SUPT3H: variants seen among roughly 807,000 people sequenced by gnomAD.
The protein encoded by SUPT3H is transcription initiation protein SPT3 homolog.
Under a neutral mutation model 44.3 loss-of-function variants are expected in SUPT3H, and 44 were observed. The ratio of observed to expected loss-of-function variants is 0.99; its 90% CI spans 0.78 to 1.28. The LOEUF (loss-of-function observed/expected upper bound fraction) is 1.28. Ranked by LOEUF, SUPT3H falls within the 50% of genes most tolerant of loss-of-function variation. SUPT3H has a pLI of 0.00. For synonymous variants in SUPT3H, 124 were observed against 125.6 expected (o/e 0.99, Z 0.09); for missense variants, 380 against 387.1 (o/e 0.98, Z 0.15).
chr6:45,151,706 A>G (rs544496875), intron 2 of SUPT3H, among the ~76,000 whole-genome samples: 1 of 152,312 alleles, frequency 6.6e-6, no homozygotes, highest in South Asian at 2.1e-4. Flanking sequence ...TGTTTTCTAA[A>G]TCAAAGTATT....
At chr6:45,365,348 A>G in intron 1 of SUPT3H, 47 bp from the exon 2 acceptor site, 1 of 1,232,040 alleles carries the variant, frequency 8.1e-7, no homozygotes, top group Non-Finnish European at 1.2e-6. Flanking sequence ...CCTAGCTATA[A>G]GTAAATGCAA....
At chr6:45,246,231 C>T (rs1431229416) in intron 2 of SUPT3H, among the ~76,000 whole-genome samples, 1 of 152,084 alleles carries the variant, frequency 6.6e-6, no homozygotes, top group Non-Finnish European at 1.5e-5. Flanking sequence ...TTCCTTTTCA[C>T]TCTCTTGACA....
At chr6:44,841,499 C>T (rs1770934167) in intron 10 of SUPT3H, among the ~76,000 whole-genome samples, 1 of 152,140 alleles carries the variant, frequency 6.6e-6, no homozygotes, top group African/African-American at 2.4e-5. Context: ...CTGTACTTCT[C>T]GTAGCCACTG....
chr6:45,130,127 A>G (rs1200979692), intron 2 of SUPT3H, among the ~76,000 whole-genome samples: 1 of 152,178 alleles, frequency 6.6e-6, no homozygotes, highest in Non-Finnish European at 1.5e-5. Context: ...TAATTTTGAA[A>G]TATTTCATCA....
At chr6:44,977,711 C>G (rs1778531507) in intron 6 of SUPT3H, among the ~76,000 whole-genome samples, 1 of 152,070 alleles carries the variant, frequency 6.6e-6, no homozygotes, top group African/African-American at 2.4e-5. Flanking sequence ...ATACTACTGA[C>G]TTCTACACAA....
intron 2 of SUPT3H, among the ~76,000 whole-genome samples, chr6:45,233,064 A>T (rs886537388): frequency 6.6e-6 from 1 of 152,180 alleles, no homozygotes; most frequent in African/African-American, 2.4e-5. Flanking sequence ...GGGCAGGGTC[A>T]CTTCTCACAG....
chr6:44,899,479 A>T (rs1764624642), intron 10 of SUPT3H, among the ~76,000 whole-genome samples: 1 of 152,140 alleles, frequency 6.6e-6, no homozygotes, highest in Non-Finnish European at 1.5e-5. Context: ...CGAGGTCAGG[A>T]GTTCGAGACC....
chr6:44,827,268 C>T lies in SUPT3H; in HGVS notation c.*2548G>A, dbSNP rs944853665. Reference sequence around the variant, plus strand: ...ACACTGAAGATTTTACTATATAACACGTATGCTTTAGGATGTATCCATAAT... The same window carrying T: ...ACACTGAAGATTTTACTATATAACATGTATGCTTTAGGATGTATCCATAAT... On this transcript the variant is annotated 3_prime_UTR_variant, in exon 11 of 11. Transcript: ENST00000371459. Among the ~76,000 whole-genome samples the T allele has an allele frequency of 1.3e-5, 2 of 152,086 alleles. No homozygotes were observed. Among genetic ancestry groups the T allele is most frequent in the South Asian group, 2.1e-4 (1 of 4,816 alleles).
At position 45,070,739 on chromosome 6, in the gene SUPT3H, C is replaced by CAAAAAAA. The variant is rs11393241; in HGVS notation, c.186+35176_186+35182dup. On this transcript the variant is annotated intron_variant, in intron 3 of 10. Transcript: ENST00000371459. ...AATAAGAGCAAAACTCTGTCTCAAA[C>CAAAAAAA]AAAAAAAAAAAAAAAAAAAAGAAAT... Among the ~76,000 whole-genome samples the CAAAAAAA allele has an allele frequency of 4.2e-3, 415 of 98,940 alleles. 1 individual carries two copies. Among genetic ancestry groups the CAAAAAAA allele is most frequent in the Non-Finnish European group, 5.2e-3 (274 of 52,340 alleles). The allele number at this position is 98,940 out of a possible 152,430, so 64.9% of individuals were successfully genotyped here.
At chr6:44,902,981 A>G (rs1765350635) in intron 10 of SUPT3H, among the ~76,000 whole-genome samples, 1 of 152,130 alleles carries the variant, frequency 6.6e-6, no homozygotes, top group Non-Finnish European at 1.5e-5. Flanking sequence ...TTTGAAACCA[A>G]CGAGAACAAA....
intron 6 of SUPT3H, among the ~76,000 whole-genome samples, chr6:44,975,617 T>C (rs545000933): frequency 7.0e-6 from 1 of 143,076 alleles, no homozygotes; most frequent in African/African-American, 2.6e-5. Context: ...AAGACTACAC[T>C]TGGGTACAGT....
intron 3 of SUPT3H, among the ~76,000 whole-genome samples, chr6:45,038,792 G>A (rs1788072966): frequency 6.6e-6 from 1 of 152,048 alleles, no homozygotes. Flanking sequence ...GTTTAAAGGT[G>A]TATTATACCT....
At chr6:45,030,877 C>A (rs888007751) in intron 3 of SUPT3H, among the ~76,000 whole-genome samples, 4 of 152,142 alleles carry the variant, frequency 2.6e-5, no homozygotes, top group Admixed American at 6.6e-5. Context: ...CTGATCCATG[C>A]AGAGGGCAAG....
In SUPT3H at chr6:44,954,547, T is replaced by C. The variant is rs1170597009; in HGVS notation, c.641A>G (p.Asn214Ser). Residue 214 changes from asparagine to serine, a missense_variant, in exon 8 of 11, where the codon AAT becomes AGT. Transcript: ENST00000371459. ...TGCTAAGATTTCCATTGCGACAACA[T>C]TGGGTTTTATCTCCATACTGCTGCA... is the stretch of plus-strand genomic sequence containing the variant. Reference protein sequence around the residue: ...LDCSSMEIKPNVVAMEILAYL... With the variant: ...LDCSSMEIKPSVVAMEILAYL... The C allele has an allele frequency of 6.2e-7, 1 of 1,614,114 alleles. No individual in the cohort carries two copies. Among genetic ancestry groups the C allele is most frequent in the South Asian group, 1.1e-5 (1 of 91,086 alleles).
At chr6:44,943,171 T>C (rs777623384) in intron 9 of SUPT3H, among the ~76,000 whole-genome samples, 4 of 150,896 alleles carry the variant, frequency 2.7e-5, no homozygotes, top group African/African-American at 7.3e-5. Context: ...AAAATAATGA[T>C]AGATAAATGG....
intron 3 of SUPT3H, 30 bp downstream of exon 3, chr6:45,105,892 G>C: frequency 6.4e-7 from 1 of 1,551,100 alleles, no homozygotes; most frequent in South Asian, 1.1e-5. Flanking sequence ...GCAGAGAAGA[G>C]AAACCAAATC....
chr6:45,155,549 T>C (rs1218482844), intron 2 of SUPT3H, among the ~76,000 whole-genome samples: 2 of 152,144 alleles, frequency 1.3e-5, no homozygotes, highest in Non-Finnish European at 2.9e-5. Flanking sequence ...CAGGAGTTAG[T>C]TTCAAGGAAG....
At chr6:45,277,080 TTAA>T in intron 2 of SUPT3H, among the ~76,000 whole-genome samples, 1 of 152,346 alleles carries the variant, frequency 6.6e-6, no homozygotes, top group South Asian at 2.1e-4. Flanking sequence ...GTAACATTAC[TTAA>T]TAATCACTTA....
At chr6:45,286,558 G>A (rs1301002710) in intron 2 of SUPT3H, among the ~76,000 whole-genome samples, 1 of 152,196 alleles carries the variant, frequency 6.6e-6, no homozygotes, top group Non-Finnish European at 1.5e-5. Flanking sequence ...ACTCACACCA[G>A]TTAGAATGGC....
Sources: allele counts gnomAD v4.1 joint callset (sites outside exome capture counted in the v4.1 genomes callset), GRCh38; gene constraint gnomAD v4.1.1; transcripts MANE v1.5; gene names NCBI Gene and HGNC (gene_info 2026-07-23, HGNC 2026-07-21).